SPTA1: variants seen among roughly 807,000 people sequenced by gnomAD.
SPTA1 encodes spectrin alpha, erythrocytic 1.
Under a neutral mutation model 324.7 loss-of-function variants are expected in SPTA1, and 177 were observed. That is an observed-to-expected ratio of 0.55 (90% CI 0.48 to 0.62). SPTA1 has a LOEUF of 0.62. Among genes scored for constraint, SPTA1 ranks in the 20% least tolerant of loss-of-function variants. SPTA1 has a pLI of 0.00. For synonymous variants in SPTA1, 1,195 were observed against 1,041.3 expected (o/e 1.15, Z -2.84); for missense variants, 3,162 against 2,883.6 (o/e 1.10, Z -2.21).
intron 42 of SPTA1, among the ~76,000 whole-genome samples, 195 bp downstream of exon 42, chr1:158,625,951 A>T (rs1650238038): frequency 6.6e-6 from 1 of 152,032 alleles, no homozygotes; most frequent in African/African-American, 2.4e-5. Context: ...CTAAAAAAAA[A>T]TTGATGAAAA....
intron 51 of SPTA1, 95 bp downstream of exon 51, chr1:158,612,722 G>A: frequency 7.2e-7 from 1 of 1,384,764 alleles, no homozygotes; most frequent in African/African-American, 1.4e-5. Context: ...AAAAAAACAA[G>A]TGGGTGGGTT....
intron 47 of SPTA1, 126 bp downstream of exon 47, chr1:158,617,411 C>T: frequency 1.3e-6 from 1 of 753,946 alleles, no homozygotes; most frequent in Non-Finnish European, 2.4e-6. Context: ...ATGTGATGGC[C>T]TATGGTTAAA....
At chr1:158,635,405 T>G (rs781521278) in intron 38 of SPTA1, among the ~76,000 whole-genome samples, 4 of 152,088 alleles carry the variant, frequency 2.6e-5, no homozygotes, top group Admixed American at 6.6e-5. Flanking sequence ...CCAGTCATGC[T>G]TCCTGTACAG....
Position 158,675,812 on chromosome 1 carries a change from G to C in SPTA1, c.1112+329C>G, listed in dbSNP as rs368438127. Among the ~76,000 whole-genome samples, 196 of 152,276 alleles carry C rather than the reference G, an allele frequency of 1.3e-3. 5 individuals carry two copies. In the South Asian group the frequency reaches 0.038, roughly 29 times the overall value. On this transcript the variant is annotated intron_variant, in intron 8 of 51. Transcript: ENST00000643759. ...AAAGGAATGATTCATCTTTCAGTGG[G>C]ACAAAGTGGACCAGCCAGAAATTTT... is the stretch of plus-strand genomic sequence containing the variant.
chr1:158,614,557 T>C (rs759822659), intron 48 of SPTA1: 10 of 423,426 alleles, frequency 2.4e-5, no homozygotes, highest in Non-Finnish European at 4.2e-5. Flanking sequence ...TTTTGAAACA[T>C]GAAAATTACA....
intron 50 of SPTA1, 150 bp from the exon 51 acceptor site, chr1:158,613,111 C>T (rs747863426): frequency 1.2e-6 from 1 of 851,832 alleles, no homozygotes; most frequent in Non-Finnish European, 1.9e-6. Flanking sequence ...ATGGGTTATG[C>T]TCTCCATTTT....
chr1:158,661,269 A>G lies in SPTA1; in HGVS notation c.2587+18T>C. 6.2e-7 allele frequency: 1 copy of G among 1,613,818 alleles called. No individual in the cohort carries two copies. Among genetic ancestry groups the G allele is most frequent in the South Asian group, 1.1e-5 (1 of 91,080 alleles). On this transcript the variant is annotated intron_variant, in intron 18 of 51. Transcript: ENST00000643759. ...GGCCTGGTGATGTTTTGTCCAACTG[A>G]ATCTCAATCATACATACCTTCCTCT... is the stretch of plus-strand genomic sequence containing the variant.
chr1:158,622,166 C>T (rs1213686408), intron 43 of SPTA1, among the ~76,000 whole-genome samples: 4 of 152,138 alleles, frequency 2.6e-5, no homozygotes, highest in Admixed American at 2.6e-4. Context: ...ACCTGGCCTC[C>T]TTCCATTATT....
At chr1:158,677,549 G>A (rs1654468841) in intron 7 of SPTA1, 141 bp downstream of exon 7, 11 of 936,336 alleles carry the variant, frequency 1.2e-5, no homozygotes, top group Non-Finnish European at 1.5e-5. Context: ...GAATGAAGAA[G>A]CGTATTCAAG....
chr1:158,623,974 C>A (rs890952645), intron 42 of SPTA1, among the ~76,000 whole-genome samples: 6 of 152,226 alleles, frequency 3.9e-5, no homozygotes, highest in Non-Finnish European at 8.8e-5. Flanking sequence ...GGCCAAGGTG[C>A]AACTCAGATC....
At chr1:158,684,547 T>C (rs1009976511) in intron 2 of SPTA1, among the ~76,000 whole-genome samples, 8 of 152,142 alleles carry the variant, frequency 5.3e-5, no homozygotes, top group Non-Finnish European at 1.0e-4. Flanking sequence ...AACACCCCGA[T>C]GTTTATGAAG....
At chr1:158,666,162 A>G (rs1212129614) in intron 16 of SPTA1, among the ~76,000 whole-genome samples, 154 bp downstream of exon 16, 1 of 152,088 alleles carries the variant, frequency 6.6e-6, no homozygotes, top group African/African-American at 2.4e-5. Context: ...ATTACTTATT[A>G]CTTAATAATC....
Position 158,636,688 on chromosome 1 carries a change from G to A in SPTA1, c.5263C>T (p.His1755Tyr), listed in dbSNP as rs377659326. The change falls in exon 37 of 52, where the codon CAC becomes TAC. Residue 1755 changes from histidine (H) to tyrosine (Y), a missense_variant. Physicochemically the swap from His to Tyr is moderately conservative, Grantham distance 83. Coordinates refer to ENST00000643759, the MANE Select transcript of SPTA1 (RefSeq NM_003126.4). ...LQGVQNLLKK[H>Y]KRLEGELVAH... ...ACCAGCTCCCCCTCTAGGCGTTTGT[G>A]CTTCTTCAGCAAGTTCTGAACCCCC... is the stretch of plus-strand genomic sequence containing the variant. The A allele has an allele frequency of 6.2e-6, 10 of 1,613,980 alleles. No individual in the cohort carries two copies. The highest frequency in any genetic ancestry group is 7.6e-6 in the Non-Finnish European group (9 of 1,180,026).
At chr1:158,620,143 G>A (rs1187295956) in intron 44 of SPTA1, 27 bp downstream of exon 44, 2 of 1,613,726 alleles carry the variant, frequency 1.2e-6, no homozygotes, top group Non-Finnish European at 1.7e-6. Flanking sequence ...TGTAGTGAAA[G>A]GAAGTTTCTG....
chr1:158,652,629 T>C lies in SPTA1; in HGVS notation c.3213A>G (p.Ala1071=), dbSNP rs1319072531. The C allele has an allele frequency of 8.7e-6, 14 of 1,614,148 alleles. No individual in the cohort carries two copies. Among genetic ancestry groups the C allele is most frequent in the Non-Finnish European group, 1.1e-5 (13 of 1,180,022 alleles). Residue 1071 remains alanine, a synonymous_variant, in exon 23 of 52, where the codon GCA becomes GCG. Transcript: ENST00000643759. ...GCAATAGACGACGTCTGCGTTCTTC[T>C]GCCCGATCCAAGAGGGAGCGGTATC... ...ENQYRSLLDR[A]EERRRRLLQR... is the part of the protein sequence containing the mutation.
chr1:158,647,202 ATG>A (rs967512107), intron 27 of SPTA1, among the ~76,000 whole-genome samples: 3 of 152,112 alleles, frequency 2.0e-5, no homozygotes, highest in Non-Finnish European at 4.4e-5. Context: ...GTTTGTTACA[ATG>A]TGTGTTTTCG....
chr1:158,672,798 T>A lies in SPTA1; in HGVS notation c.1351-602A>T, dbSNP rs543768161. On this transcript the variant is annotated intron_variant, in intron 10 of 51. Transcript: ENST00000643759. ...TACACCTGCAGCTGTATTATCTCCG[T>A]CAAAAAAGCAGAATATGGCCAGGTG... Among the ~76,000 whole-genome samples the A allele has an allele frequency of 4.2e-4, 64 of 152,056 alleles. 1 individual carries two copies. The highest frequency in any genetic ancestry group is 1.5e-3 in the African/African-American group (63 of 41,492).
chr1:158,649,758 GA>G, intron 25 of SPTA1, 97 bp downstream of exon 25: 4 of 1,033,380 alleles, frequency 3.9e-6, no homozygotes, highest in Non-Finnish European at 5.9e-6. Context: ...TCCATCTCAC[GA>G]AAAAAGATTA....
In SPTA1 at chr1:158,631,568, A is replaced by G. The variant is rs1237879816; in HGVS notation, c.5565+2975T>C. Among the ~76,000 whole-genome samples the G allele has an allele frequency of 4.6e-5, 7 of 152,302 alleles. No homozygotes were observed. The East Asian group carries it at 1.2e-3, about 25-fold the overall frequency. ...TATCACCACTAAAGAACTTATCCAT[A>G]TAACCAAAACCACCTGTACCTAAAA... On this transcript the variant is annotated intron_variant, in intron 39 of 51. Transcript: ENST00000643759.
Sources: allele counts gnomAD v4.1 joint callset (sites outside exome capture counted in the v4.1 genomes callset), GRCh38; gene constraint gnomAD v4.1.1; transcripts MANE v1.5; gene names NCBI Gene and HGNC (gene_info 2026-07-23, HGNC 2026-07-21).